ABCA7: variants seen among roughly 807,000 people sequenced by gnomAD.
ABCA7 encodes the protein phospholipid-transporting ATPase ABCA7.
A neutral mutation model predicts 227.6 loss-of-function variants in ABCA7; 261 were observed. That is an observed-to-expected ratio of 1.15 (90% CI 1.04 to 1.27). The LOEUF (loss-of-function observed/expected upper bound fraction) is 1.27, where lower values mean the gene tolerates loss of function less well. Ranked by LOEUF, ABCA7 falls within the 50% of genes most tolerant of loss-of-function variation. The pLI, the probability that ABCA7 is intolerant of heterozygous loss-of-function variation, is 0.00. For missense variants in ABCA7, 3,331 were observed against 2,924.5 expected (o/e 1.14, Z -3.21); for synonymous variants, 1,488 against 1,279.7 (o/e 1.16, Z -3.47).
Position 1,058,360 on chromosome 19 carries a change from C to T in ABCA7, c.5149+91C>T, listed in dbSNP as rs1453088552. 8 of 1,529,772 alleles carry T rather than the reference C, an allele frequency of 5.2e-6. No homozygotes were observed. In the Admixed American group the frequency reaches 6.4e-5, roughly 12 times the overall value. The allele number at this position is 1,529,772 out of a possible 1,614,324, so 94.8% of individuals were successfully genotyped here. The stretch of plus-strand genomic sequence containing the variant: ...AATTATACAGAGTGGAGAAAAACAG[C>T]CCCCCAGGGAGACAGCCAGGGTTCT... On this transcript the variant is annotated intron_variant, in intron 37 of 46. Coordinates refer to ENST00000263094, the MANE Select transcript of ABCA7 (RefSeq NM_019112.4).
rs1374235226 is a variant in ABCA7, at chr19:1,049,294, G to C, written c.2409G>C (p.Leu803=). 7 of 1,610,110 alleles carry C rather than the reference G, an allele frequency of 4.3e-6. No homozygotes were observed. The highest frequency in any genetic ancestry group is 3.3e-5 in the South Asian group (3 of 90,944). Residue 803 remains leucine, a synonymous_variant, in exon 18 of 47, where the codon CTG becomes CTC. Transcript: ENST00000263094. ...TGGTAGAAGAGGCACCGCCCGGCCT[G>C]AGTCCTGGCGTCTCCGTTCGCAGCC... ...KVLVEEAPPG[L]SPGVSVRSLE...
rs112855437 is a variant in ABCA7, at chr19:1,062,995, C to G, written c.5713-549C>G. Among the ~76,000 whole-genome samples the G allele has an allele frequency of 8.6e-5, 10 of 116,416 alleles. 3 individuals carry two copies. The highest frequency in any genetic ancestry group is 3.2e-4 in the Admixed American group (4 of 12,434). The allele number at this position is 116,416 out of a possible 152,430, so 76.4% of individuals were successfully genotyped here. Reference sequence around the variant, plus strand: ...GCTCCACCCACACCATGGCCCCGCCCCATACTCATGCTGGCTCCACCCACA... The same window carrying G: ...GCTCCACCCACACCATGGCCCCGCCGCATACTCATGCTGGCTCCACCCACA... On this transcript the variant is annotated intron_variant, in intron 42 of 46. Coordinates refer to ENST00000263094, the MANE Select transcript of ABCA7 (RefSeq NM_019112.4).
Position 1,055,164 on chromosome 19 carries a change from T to C in ABCA7, c.4018T>C (p.Ser1340Pro). The C allele has an allele frequency of 6.2e-7, 1 of 1,612,486 alleles. No individual in the cohort carries two copies. The highest frequency in any genetic ancestry group is 8.5e-7 in the Non-Finnish European group (1 of 1,179,844). The part of the protein sequence containing the change: ...VLASGNWTPE[S>P]PSPACQCSRP... ...GGCCAGTGGCAACTGGACCCCAGAGTCTCCATCCCCAGCCTGCCAGTGTAG... is the reference window on the plus strand; with the variant it reads ...GGCCAGTGGCAACTGGACCCCAGAGCCTCCATCCCCAGCCTGCCAGTGTAG... Residue 1340 changes from serine (S) to proline (P), a missense_variant, in exon 30 of 47, where the codon TCT becomes CCT. Physicochemically the swap from Ser to Pro is moderately conservative, Grantham distance 74. Coordinates refer to ENST00000263094, the MANE Select transcript of ABCA7 (RefSeq NM_019112.4).
intron 40 of ABCA7, among the ~76,000 whole-genome samples, chr19:1,060,209 T>TATATA (rs3971800): frequency 5.9e-5 from 2 of 33,846 alleles, no homozygotes; most frequent in African/African-American, 1.3e-4. Flanking sequence ...ATATATATAT[T>TATATA]TTTTTTTCTT....
In ABCA7 at chr19:1,056,017, CG is replaced by C. The variant is rs2042218996; in HGVS notation, c.4239-47del. 2 of 1,513,956 alleles carry C rather than the reference CG, an allele frequency of 1.3e-6. No homozygotes were observed. Among genetic ancestry groups the C allele is most frequent in the South Asian group, 1.2e-5 (1 of 82,158 alleles). The allele number at this position is 1,513,956 out of a possible 1,614,324, so 93.8% of individuals were successfully genotyped here. On this transcript the variant is annotated intron_variant, in intron 31 of 46. Transcript: ENST00000263094. The surrounding 1 kb of genome is among the most constrained non-coding windows in gnomAD (Gnocchi z 4.3). ...TCTGCCTGCCCCCTGGGAGCTCTCC[CG>C]GCCCCCCCGGCCCTCAGCTCCCCTT...
At position 1,062,455 on chromosome 19, in the gene ABCA7, A is replaced by G. The variant is rs1340274902; in HGVS notation, c.5712+142A>G. The G allele has an allele frequency of 2.3e-6, 3 of 1,329,384 alleles. No individual in the cohort carries two copies. The South Asian group carries it at 4.2e-5, about 18-fold the overall frequency. 82.3% of individuals were successfully genotyped at this position (1,329,384 alleles called of 1,614,324 possible). ...CCCCCAGACCGTGCTTCCTTCCCCT[A>G]TACCTCTGTCCCCCATCCTGGTCCA... is the stretch of plus-strand genomic sequence containing the variant. On this transcript the variant is annotated intron_variant, in intron 42 of 46. Transcript: ENST00000263094.
intron 9 of ABCA7, 117 bp from the exon 10 acceptor site, chr19:1,043,608 G>T: frequency 6.4e-7 from 1 of 1,552,348 alleles, no homozygotes; most frequent in Admixed American, 1.7e-5. Context: ...CGATGGAGGG[G>T]GATCAGCTTG....
In ABCA7 at chr19:1,042,887, G is replaced by A. The variant is rs538440237; in HGVS notation, c.579+61G>A. 26 of 1,522,872 alleles carry A rather than the reference G, an allele frequency of 1.7e-5. No homozygotes were observed. The South Asian group carries it at 2.0e-4, about 12-fold the overall frequency. The allele number at this position is 1,522,872 out of a possible 1,614,324, so 94.3% of individuals were successfully genotyped here. A position where few individuals can be genotyped will look rare whatever the true frequency, so the allele number is the denominator to read the frequency against. ...GCAACGTTGGCAGGCAGCCTGCGCC[G>A]GGAGGGTCTGGGGCAGCCCGGGCAC... On this transcript the variant is annotated intron_variant, in intron 7 of 46. Transcript: ENST00000263094.
At position 1,064,141 on chromosome 19, in the gene ABCA7, G is replaced by A. The variant is rs939333681; in HGVS notation, c.5952-20G>A. 8 of 1,541,220 alleles carry A rather than the reference G, an allele frequency of 5.2e-6. No individual in the cohort carries two copies. The African/African-American group carries it at 1.1e-4, about 21-fold the overall frequency. ...AGGTGGCCCCGGCCTCACGGAGCTC[G>A]TGGTGCCGGGTCCCGACAGCATGGA... On this transcript the variant is annotated intron_variant, in intron 44 of 46. Coordinates refer to ENST00000263094, the MANE Select transcript of ABCA7 (RefSeq NM_019112.4).
At chr19:1,044,942 CGGAGTGGT>C in intron 11 of ABCA7, 52 bp from the exon 12 acceptor site, 1 of 1,575,596 alleles carries the variant, frequency 6.3e-7, no homozygotes, top group Non-Finnish European at 8.7e-7. Context: ...GGGGGAGGAG[CGGAGTGGT>C]CTAGGAGGCA....
At chr19:1,044,953 A>G (rs2040464304) in intron 11 of ABCA7, 49 bp from the exon 12 acceptor site, 4 of 1,596,342 alleles carry the variant, frequency 2.5e-6, no homozygotes, top group Non-Finnish European at 3.4e-6. Flanking sequence ...GGAGTGGTCT[A>G]GGAGGCAGGC....
In ABCA7 at chr19:1,054,740, G is replaced by T; in HGVS notation, c.3852-40G>T. 6.2e-7 allele frequency: 1 copy of T among 1,607,446 alleles called. No individual in the cohort carries two copies. The highest frequency in any genetic ancestry group is 8.5e-7 in the Non-Finnish European group (1 of 1,175,508). On this transcript the variant is annotated intron_variant, in intron 28 of 46. Transcript: ENST00000263094. The surrounding 1 kb of genome is among the most constrained non-coding windows in gnomAD (Gnocchi z 4.8). ...CTGGTGGCAGGAAGACTAGGGACCT[G>T]GGGGTACAGCCCTGACCCTACATCT...
Position 1,046,755 on chromosome 19 carries a change from G to C in ABCA7, c.1623-47G>C, listed in dbSNP as rs1427109603. The stretch of plus-strand genomic sequence containing the variant: ...CGTGCCAGATGGTGGGCGGAGGGGG[G>C]GTCTGCGGAGGGTCTCCAGCCTCCA... On this transcript the variant is annotated intron_variant, in intron 13 of 46. Coordinates refer to ENST00000263094, the MANE Select transcript of ABCA7 (RefSeq NM_019112.4). 10 of 1,505,808 alleles carry C rather than the reference G, an allele frequency of 6.6e-6. No individual in the cohort carries two copies. In the Admixed American group the frequency reaches 1.4e-4, roughly 21 times the overall value. The allele number at this position is 1,505,808 out of a possible 1,614,324, so 93.3% of individuals were successfully genotyped here. A position where few individuals can be genotyped will look rare whatever the true frequency, so the allele number is the denominator to read the frequency against.
At chr19:1,051,726 AAATAC>A in intron 21 of ABCA7, 140 bp downstream of exon 21, 1 of 1,055,774 alleles carries the variant, frequency 9.5e-7, no homozygotes, top group Non-Finnish European at 1.3e-6. Context: ...GCTACTGCTC[AAATAC>A]CGAGACAGTA....
At chr19:1,063,519 T>A in intron 42 of ABCA7, 25 bp from the exon 43 acceptor site, 1 of 1,607,808 alleles carries the variant, frequency 6.2e-7, no homozygotes. Context: ...TGAGTCCCCA[T>A]GCCTACTCTG....
Position 1,051,550 on chromosome 19 carries a change from C to T in ABCA7, c.2926C>T (p.Arg976Cys), listed in dbSNP as rs373667015. The change falls in exon 21 of 47, where the codon CGC becomes TGC. Residue 976 changes from arginine to cysteine, a missense_variant. Transcript: ENST00000263094. ...GGCTGGCGTGGATCCTGCTTCCCGC[C>T]GCGGTATTTGGGAGCTGCTGCTCAA... ...PTAGVDPASR[R>C]GIWELLLKYR... The T allele has an allele frequency of 1.7e-5, 28 of 1,612,436 alleles. No individual in the cohort carries two copies. The East Asian group carries it at 2.2e-4, about 13-fold the overall frequency.
chr19:1,049,219 C>G, intron 17 of ABCA7, 47 bp from the exon 18 acceptor site: 1 of 1,549,480 alleles, frequency 6.5e-7, no homozygotes, highest in Non-Finnish European at 8.8e-7. Context: ...CTTGCAGGCC[C>G]CAGGACCCCC....
chr19:1,046,186 T>C, intron 12 of ABCA7, 44 bp from the exon 13 acceptor site: 1 of 1,591,132 alleles, frequency 6.3e-7, no homozygotes, highest in Non-Finnish European at 8.5e-7. Flanking sequence ...GCCCCGGGAG[T>C]TTCTAGCCCT....
rs1330958223 is a variant in ABCA7 at position 1,054,149 on chromosome 19, C to T, written c.3577+39C>T. 8 of 1,610,136 alleles carry T rather than the reference C, an allele frequency of 5.0e-6. No homozygotes were observed. Among genetic ancestry groups the T allele is most frequent in the Non-Finnish European group, 6.8e-6 (8 of 1,178,460 alleles). On this transcript the variant is annotated intron_variant, in intron 26 of 46. Coordinates refer to ENST00000263094, the MANE Select transcript of ABCA7 (RefSeq NM_019112.4). The surrounding 1 kb of genome is among the most constrained non-coding windows in gnomAD (Gnocchi z 4.8). ...AGTGGCCCTGGGGTCCTCCCAGCCA[C>T]CCCCCCACAGCAGCGTGAGCACTGA...
Sources: allele counts gnomAD v4.1 joint callset (sites outside exome capture counted in the v4.1 genomes callset), GRCh38; gene constraint gnomAD v4.1.1; non-coding constraint Gnocchi (gnomAD v3.1); transcripts MANE v1.5; gene names NCBI Gene and HGNC (gene_info 2026-07-23, HGNC 2026-07-21).